The following ROBO2 variants were observed in gnomAD, a reference collection of about 807,000 sequenced individuals.
ROBO2 encodes roundabout guidance receptor 2.
Under a neutral mutation model 160.8 loss-of-function variants are expected in ROBO2, and 53 were observed. That is an observed-to-expected ratio of 0.33 (90% confidence interval 0.26 to 0.41). ROBO2 has a LOEUF of 0.41. Ranked by LOEUF, ROBO2 falls within the 10% of genes least tolerant of loss-of-function variation. ROBO2 has a pLI of 1.00. For synonymous variants in ROBO2, 664 were observed against 611.7 expected, an observed-to-expected ratio of 1.09 and a Z score of -1.26; for missense variants, 1,577 against 1,722.4, an observed-to-expected ratio of 0.92 and a Z score of 1.49.
At chr3:76,512,742 G>T (rs942006302) in intron 2 of ROBO2, among the ~76,000 whole-genome samples, 2 of 152,016 alleles carry the variant, frequency 1.3e-5, no homozygotes, top group Non-Finnish European at 2.9e-5. Context: ...TGTATAAATG[G>T]ATATGAAATA....
At chr3:75,955,080 AGTTT>A (rs926955464) in intron 2 of ROBO2, among the ~76,000 whole-genome samples, 76 of 151,830 alleles carry the variant, frequency 5.0e-4, no homozygotes, top group African/African-American at 1.3e-3. Context: ...CCATCTATGT[AGTTT>A]GTTTGTTTGT....
intron 2 of ROBO2, among the ~76,000 whole-genome samples, chr3:77,427,986 C>T (rs1234622559): frequency 6.6e-6 from 1 of 152,148 alleles, no homozygotes; most frequent in African/African-American, 2.4e-5. Context: ...GCTGGTTTTT[C>T]ATTAAAAATG....
At chr3:76,887,195 T>C (rs1408243773) in intron 2 of ROBO2, among the ~76,000 whole-genome samples, 1 of 31,138 alleles carries the variant, frequency 3.2e-5, no homozygotes, top group Admixed American at 4.5e-4. Flanking sequence ...TCAGGAAGCA[T>C]TTTTTTTTTT....
intron 2 of ROBO2, among the ~76,000 whole-genome samples, chr3:77,254,898 G>A (rs572082508): frequency 1.3e-5 from 2 of 152,300 alleles, no homozygotes; most frequent in South Asian, 4.1e-4. Flanking sequence ...CTGACACAAG[G>A]TCTAATGACT....
intron 24 of ROBO2, among the ~76,000 whole-genome samples, chr3:77,635,941 T>C (rs987808438): frequency 5.3e-5 from 8 of 152,126 alleles, no homozygotes; most frequent in South Asian, 2.1e-4. Context: ...ATTGGCAGAT[T>C]TGGTGTCTGG....
chr3:76,165,194 T>C (rs1299097417), intron 2 of ROBO2, among the ~76,000 whole-genome samples: 2 of 152,196 alleles, frequency 1.3e-5, no homozygotes, highest in Admixed American at 6.5e-5. Flanking sequence ...AGCTGTTGTT[T>C]AGTGTGAACA....
chr3:76,977,860 T>C (rs967539036), intron 2 of ROBO2, among the ~76,000 whole-genome samples: 5 of 152,194 alleles, frequency 3.3e-5, no homozygotes, highest in African/African-American at 1.2e-4. Flanking sequence ...CATCTGTAAA[T>C]TTCAGATAAT....
chr3:76,648,582 A>G (rs1487346339), intron 2 of ROBO2, among the ~76,000 whole-genome samples: 1 of 152,086 alleles, frequency 6.6e-6, no homozygotes, highest in Non-Finnish European at 1.5e-5. Flanking sequence ...TTATATAGGA[A>G]AATGCTGCCA....
intron 2 of ROBO2, among the ~76,000 whole-genome samples, chr3:77,274,730 G>C (rs2059716834): frequency 1.3e-5 from 2 of 152,030 alleles, no homozygotes. Context: ...CTTTGTAATA[G>C]GTACTTTCCC....
chr3:76,026,793 C>T (rs890452570), intron 2 of ROBO2, among the ~76,000 whole-genome samples: 2 of 151,816 alleles, frequency 1.3e-5, no homozygotes, highest in Admixed American at 1.3e-4. Context: ...ACAGAGGCTG[C>T]TATTTTCTAA....
intron 2 of ROBO2, among the ~76,000 whole-genome samples, chr3:77,130,468 G>A (rs969749323): frequency 1.3e-5 from 2 of 152,114 alleles, no homozygotes; most frequent in Non-Finnish European, 1.5e-5. Context: ...AGTGAGAAAT[G>A]TGCATTAAAA....
intron 2 of ROBO2, among the ~76,000 whole-genome samples, chr3:76,682,149 C>A (rs1185457426): frequency 6.6e-6 from 1 of 151,944 alleles, no homozygotes; most frequent in South Asian, 2.1e-4. Context: ...GAATTTGAAC[C>A]AGGGATGGCA....
chr3:76,947,267 T>TA (rs944296559), intron 2 of ROBO2, among the ~76,000 whole-genome samples: 3 of 152,008 alleles, frequency 2.0e-5, no homozygotes, highest in Admixed American at 6.5e-5. Context: ...ATTCTTTCTA[T>TA]AAAAAAACAT....
At chr3:75,937,571 T>G in exon 2 of ROBO2, 1 of 1,566,786 alleles carries the variant, frequency 6.4e-7, no homozygotes, top group South Asian at 1.2e-5. Context: ...CTGTGGTGTT[T>G]TGGGGTCATC....
At chr3:77,244,108 T>A (rs972948295) in intron 2 of ROBO2, among the ~76,000 whole-genome samples, 4 of 152,242 alleles carry the variant, frequency 2.6e-5, no homozygotes, top group Non-Finnish European at 4.4e-5. Flanking sequence ...AGTGTTCATG[T>A]TAGTTTGCTT....
At chr3:77,388,947 TTTG>T (rs1247843584) in intron 2 of ROBO2, among the ~76,000 whole-genome samples, 13 of 152,166 alleles carry the variant, frequency 8.5e-5, no homozygotes, top group African/African-American at 2.9e-4. Flanking sequence ...ATTTATCTAT[TTTG>T]TTGTTGTTGT....
intron 2 of ROBO2, among the ~76,000 whole-genome samples, chr3:76,625,634 G>A (rs557597157): frequency 6.6e-6 from 1 of 152,254 alleles, no homozygotes; most frequent in East Asian, 1.9e-4. Flanking sequence ...GTGGATCTAT[G>A]AGAAAAAGAT....
At chr3:76,496,732 T>A (rs1156665061) in intron 2 of ROBO2, among the ~76,000 whole-genome samples, 1 of 152,176 alleles carries the variant, frequency 6.6e-6, no homozygotes, top group Non-Finnish European at 1.5e-5. Flanking sequence ...TTTTTTAATT[T>A]CTCTATTGCT....
chr3:76,077,407 A>T lies in ROBO2; in HGVS notation c.109+139805A>T, dbSNP rs541369669. Among the ~76,000 whole-genome samples the T allele has an allele frequency of 2.0e-4, 30 of 152,228 alleles. 1 individual carries two copies. Among genetic ancestry groups the T allele is most frequent in the South Asian group, 1.5e-3 (7 of 4,824 alleles). On this transcript the variant is annotated intron_variant, in intron 2 of 26. Transcript: ENST00000487694. ...GTGAAACCCCGTCTCTACTAAAAAT[A>T]CAAAAATTAGCCGTGTGTGGTGGCA...
Sources: gnomAD v4.1 joint callset for allele counts (sites outside exome capture counted in the v4.1 genomes callset) on GRCh38, gnomAD v4.1.1 for gene constraint, MANE v1.5 for transcripts, NCBI Gene and HGNC (gene_info 2026-07-23, HGNC 2026-07-21) for gene names.